Variants in CACNA2D3 observed in about 807,000 individuals in gnomAD.
The protein encoded by CACNA2D3 is calcium voltage-gated channel auxiliary subunit alpha2delta 3.
CACNA2D3 carries 60 observed loss-of-function variants against 160.6 expected under a neutral mutation model. The observed-to-expected ratio is 0.37, with a 90% confidence interval of 0.30 to 0.46. CACNA2D3 has a LOEUF of 0.46. CACNA2D3 is among the 20% of genes least tolerant of loss of function. CACNA2D3 has a pLI of 1.00. For synonymous variants in CACNA2D3, 558 were observed against 492.9 expected, an observed-to-expected ratio of 1.13 and a Z score of -1.75; for missense variants, 1,205 against 1,365.0, an observed-to-expected ratio of 0.88 and a Z score of 1.85.
At chr3:54,621,375 C>T (rs374348326) in intron 9 of CACNA2D3, among the ~76,000 whole-genome samples, 1 of 152,180 alleles carries the variant, frequency 6.6e-6, no homozygotes, top group East Asian at 1.9e-4. Flanking sequence ...CGGATGTGGC[C>T]GTGCTGCTGG....
intron 5 of CACNA2D3, among the ~76,000 whole-genome samples, chr3:54,523,542 A>G (rs928531666): frequency 2.0e-5 from 3 of 152,166 alleles, no homozygotes; most frequent in Admixed American, 6.5e-5. Flanking sequence ...TTGGGCTCAT[A>G]GAACGTATTG....
intron 31 of CACNA2D3, among the ~76,000 whole-genome samples, chr3:54,991,354 C>T (rs1702737860): frequency 6.6e-6 from 1 of 151,892 alleles, no homozygotes; most frequent in Non-Finnish European, 1.5e-5. Context: ...TCCCGAGTAG[C>T]TGGGACTACA....
intron 12 of CACNA2D3, among the ~76,000 whole-genome samples, chr3:54,760,661 T>C (rs1470604710): frequency 6.6e-6 from 1 of 151,834 alleles, no homozygotes; most frequent in Non-Finnish European, 1.5e-5. Context: ...CTTGGAGTAG[T>C]GAAGCAGTGG....
chr3:54,391,965 A>G (rs1014626598), intron 4 of CACNA2D3, among the ~76,000 whole-genome samples: 1 of 152,194 alleles, frequency 6.6e-6, no homozygotes, highest in Non-Finnish European at 1.5e-5. Context: ...ATAATTGACA[A>G]TAGAGGCCTT....
At chr3:54,140,687 C>T (rs1699907829) in intron 2 of CACNA2D3, among the ~76,000 whole-genome samples, 1 of 152,222 alleles carries the variant, frequency 6.6e-6, no homozygotes, top group Admixed American at 6.5e-5. Context: ...GTCACGTCAC[C>T]TCTCTGGGTT....
intron 2 of CACNA2D3, among the ~76,000 whole-genome samples, chr3:54,136,025 T>A (rs1699808703): frequency 6.6e-6 from 1 of 152,210 alleles, no homozygotes; most frequent in African/African-American, 2.4e-5. Context: ...CTGCTCCCTG[T>A]CCCATGCCTT....
chr3:54,223,469 T>G (rs1701611132), intron 2 of CACNA2D3, among the ~76,000 whole-genome samples: 1 of 152,198 alleles, frequency 6.6e-6, no homozygotes, highest in South Asian at 2.1e-4. Context: ...AGGAGTGGAA[T>G]GAGGCAGTGG....
chr3:54,713,338 C>T (rs562256984), intron 11 of CACNA2D3, among the ~76,000 whole-genome samples: 4 of 152,114 alleles, frequency 2.6e-5, no homozygotes, highest in African/African-American at 4.8e-5. Flanking sequence ...CCACAGAAAA[C>T]GTGTGGTTTG....
chr3:54,999,860 C>A (rs186897096), intron 31 of CACNA2D3, among the ~76,000 whole-genome samples: 8 of 152,340 alleles, frequency 5.3e-5, no homozygotes, highest in African/African-American at 1.9e-4. Flanking sequence ...GTCTTAATGT[C>A]ATGAGTTTGT....
chr3:54,731,344 G>GA (rs1701380846), intron 11 of CACNA2D3, among the ~76,000 whole-genome samples: 1 of 152,132 alleles, frequency 6.6e-6, no homozygotes, highest in South Asian at 2.1e-4. Context: ...ATGGATAATT[G>GA]ACACTTGACT....
At chr3:54,564,170 C>T (rs568407693) in intron 6 of CACNA2D3, among the ~76,000 whole-genome samples, 6 of 152,226 alleles carry the variant, frequency 3.9e-5, no homozygotes, top group African/African-American at 9.6e-5. Flanking sequence ...TCTCGCTATG[C>T]GGCACTGTGA....
intron 35 of CACNA2D3, among the ~76,000 whole-genome samples, chr3:55,051,758 C>T (rs560492157): frequency 1.3e-5 from 2 of 152,246 alleles, no homozygotes; most frequent in East Asian, 1.9e-4. Flanking sequence ...ATTAGCGAGA[C>T]TCCGTGGGCG....
intron 2 of CACNA2D3, among the ~76,000 whole-genome samples, chr3:54,191,719 C>A (rs1444199901): frequency 1.3e-5 from 2 of 152,048 alleles, no homozygotes; most frequent in Non-Finnish European, 2.9e-5. Flanking sequence ...CAGGGCCATG[C>A]AATTGGGGCA....
intron 17 of CACNA2D3, among the ~76,000 whole-genome samples, chr3:54,870,953 A>G (rs992537143): frequency 3.9e-5 from 6 of 152,222 alleles, no homozygotes; most frequent in East Asian, 3.9e-4. Context: ...AGAGAATTAT[A>G]AAGTATAGGG....
intron 11 of CACNA2D3, among the ~76,000 whole-genome samples, chr3:54,690,690 A>G (rs540493934): frequency 6.6e-6 from 1 of 152,290 alleles, no homozygotes; most frequent in South Asian, 2.1e-4. Context: ...TGACTGAAGA[A>G]CCAGTATGGA....
intron 28 of CACNA2D3, 22 bp from the exon 29 acceptor site, chr3:54,969,778 C>T (rs1702230991): frequency 6.2e-7 from 1 of 1,611,106 alleles, no homozygotes. Flanking sequence ...AACACATTTC[C>T]CTCCACTTTT....
At chr3:54,754,880 G>C (rs1701942163) in intron 12 of CACNA2D3, among the ~76,000 whole-genome samples, 1 of 152,108 alleles carries the variant, frequency 6.6e-6, no homozygotes, top group Admixed American at 6.5e-5. Context: ...TTAAAAAAGG[G>C]GGCATTTTGG....
chr3:54,922,926 T>C (rs1384375186), intron 27 of CACNA2D3, among the ~76,000 whole-genome samples: 1 of 152,018 alleles, frequency 6.6e-6, no homozygotes, highest in East Asian at 1.9e-4. Flanking sequence ...TATGGTCTTC[T>C]CTTAGTCATC....
intron 3 of CACNA2D3, among the ~76,000 whole-genome samples, chr3:54,363,935 G>A (rs911148189): frequency 6.6e-6 from 1 of 152,168 alleles, no homozygotes; most frequent in Non-Finnish European, 1.5e-5. Context: ...CCTTACTTCA[G>A]ATATCCCACA....
Sources: allele counts gnomAD v4.1 joint callset (sites outside exome capture counted in the v4.1 genomes callset), GRCh38; gene constraint gnomAD v4.1.1; transcripts MANE v1.5; gene names NCBI Gene and HGNC (gene_info 2026-07-23, HGNC 2026-07-21).